The following BCAS3 variants were observed in gnomAD, a reference collection of about 807,000 sequenced individuals.
BCAS3 encodes the protein BCAS4/BCAS3 fusion.
In BCAS3, 53 loss-of-function variants were observed where a neutral mutation model predicts 116.1. That is an observed-to-expected ratio of 0.46 (90% CI 0.37 to 0.57). The LOEUF is 0.57. BCAS3 is among the 20% of genes least tolerant of loss of function. BCAS3 has a pLI of 0.00. For synonymous variants in BCAS3, 391 were observed against 408.2 expected (o/e 0.96, Z 0.51); for missense variants, 917 against 1,165.4 (o/e 0.79, Z 3.10).
intron 22 of BCAS3, among the ~76,000 whole-genome samples, chr17:61,210,871 C>T (rs1239134642): frequency 1.3e-5 from 2 of 151,908 alleles, no homozygotes; most frequent in South Asian, 2.1e-4. Flanking sequence ...TTTGCAGATA[C>T]CTAGGGGTTA....
In BCAS3 at chr17:61,226,892, T is replaced by C. The variant is rs1381148505; in HGVS notation, c.2426-141435T>C. Among the ~76,000 whole-genome samples, 1 of 152,198 alleles carries C rather than the reference T, an allele frequency of 6.6e-6. No individual in the cohort carries two copies. Among genetic ancestry groups the C allele is most frequent in the Non-Finnish European group, 1.5e-5 (1 of 68,032 alleles). ...ACTGCTGTCAGTTTGCCTGCCTATA[T>C]CCTATAATATCCCTTTCCTTTTTAA... is the stretch of plus-strand genomic sequence containing the variant. On this transcript the variant is annotated intron_variant, in intron 22 of 23. Coordinates refer to ENST00000407086, the MANE Select transcript of BCAS3 (RefSeq NM_017679.5). This position sits in a 1 kb window ranked among gnomAD's most constrained non-coding sequence, Gnocchi z 6.0.
intron 22 of BCAS3, among the ~76,000 whole-genome samples, chr17:61,138,089 A>G (rs1378651837): frequency 1.3e-5 from 2 of 152,234 alleles, no homozygotes; most frequent in Non-Finnish European, 2.9e-5. Context: ...ATAGCACTGT[A>G]TGGTAAAACT....
chr17:61,006,158 T>C (rs772323830), intron 15 of BCAS3, among the ~76,000 whole-genome samples: 5 of 152,110 alleles, frequency 3.3e-5, no homozygotes, highest in Non-Finnish European at 7.4e-5. Context: ...TAGTATTCCA[T>C]GGTGTATATG....
chr17:60,940,298 G>A (rs1310979110), intron 13 of BCAS3, among the ~76,000 whole-genome samples: 2 of 152,170 alleles, frequency 1.3e-5, no homozygotes, highest in Non-Finnish European at 2.9e-5. Context: ...CTTTAACAGA[G>A]TGTTATGTAG....
In BCAS3 at chr17:61,040,861, A is replaced by G. The variant is rs1460627340; in HGVS notation, c.1998A>G (p.Ala666=). Residue 666 remains alanine, a synonymous_variant, in exon 19 of 24, where the codon GCA becomes GCG. Transcript: ENST00000407086. ...ANHPLLLAAD[A]VQYYQFLLAG... ...ACCCTCTGCTCCTCGCTGCAGATGC[A>G]GTACAGTATTATCAGTTCCTGCTTG... The G allele has an allele frequency of 6.2e-7, 1 of 1,614,102 alleles. No homozygotes were observed. Among genetic ancestry groups the G allele is most frequent in the Non-Finnish European group, 8.5e-7 (1 of 1,179,978 alleles).
chr17:60,939,026 A>G (rs1036695629), intron 13 of BCAS3, among the ~76,000 whole-genome samples: 1 of 152,236 alleles, frequency 6.6e-6, no homozygotes, highest in Admixed American at 6.5e-5. Flanking sequence ...TAAATATTTA[A>G]TATATGACCC....
chr17:60,862,997 A>C (rs1250022855), intron 7 of BCAS3, among the ~76,000 whole-genome samples: 1 of 152,114 alleles, frequency 6.6e-6, no homozygotes, highest in African/African-American at 2.4e-5. Flanking sequence ...GATTTTTCTC[A>C]AGAAATAGGT....
At chr17:61,297,112 T>C (rs2052990615) in intron 22 of BCAS3, among the ~76,000 whole-genome samples, 1 of 151,810 alleles carries the variant, frequency 6.6e-6, no homozygotes, top group African/African-American at 2.4e-5. Flanking sequence ...TTCCGTAAGG[T>C]AGGGATAGGA....
intron 6 of BCAS3, among the ~76,000 whole-genome samples, chr17:60,759,042 C>T (rs969873765): frequency 6.7e-6 from 1 of 150,258 alleles, no homozygotes; most frequent in African/African-American, 2.5e-5. Flanking sequence ...GGCACGATCT[C>T]GACTCACTGC....
At chr17:60,758,843 A>G (rs1483121918) in intron 6 of BCAS3, among the ~76,000 whole-genome samples, 2 of 152,162 alleles carry the variant, frequency 1.3e-5, no homozygotes, top group Non-Finnish European at 2.9e-5. Context: ...TTCAAGAAAT[A>G]TTTTGATTTC....
At chr17:60,868,126 C>A (rs904846348) in intron 7 of BCAS3, among the ~76,000 whole-genome samples, 2 of 151,184 alleles carry the variant, frequency 1.3e-5, no homozygotes, top group Non-Finnish European at 2.9e-5. Flanking sequence ...TAGGTTCAAG[C>A]GATTCTCCTG....
intron 10 of BCAS3, among the ~76,000 whole-genome samples, chr17:60,901,045 C>A (rs142989341): frequency 2.1e-3 from 325 of 151,850 alleles, no homozygotes; most frequent in African/African-American, 7.1e-3. Flanking sequence ...CTCGTCTCTA[C>A]TAAAAATAAA....
chr17:61,283,065 A>G lies in BCAS3; in HGVS notation c.2426-85262A>G, dbSNP rs180759302. ...TACTATGATGTCGTGATGTTGTAAT[A>G]CTAAAAGTTGTGTTGTTTTTTTTGC... On this transcript the variant is annotated intron_variant, in intron 22 of 23. Transcript: ENST00000407086. 4.5e-3 allele frequency among the ~76,000 whole-genome samples: 689 copies of G among 152,216 alleles called. 4 individuals are homozygous for G. Among genetic ancestry groups the G allele is most frequent in the Non-Finnish European group, 7.7e-3 (524 of 68,022 alleles).
rs866130261 is a variant in BCAS3, at chr17:61,327,614, A to G, written c.2426-40713A>G. Among the ~76,000 whole-genome samples the G allele has an allele frequency of 9.9e-5, 15 of 152,156 alleles. No homozygotes were observed. The highest frequency in any genetic ancestry group is 1.6e-4 in the Non-Finnish European group (11 of 67,996). ...AACCTCCGCCTCCCGGGTTCAAGAC[A>G]TTCTCCTGCCTCAGCCTCCCGAGTA... On this transcript the variant is annotated intron_variant, in intron 22 of 23. Transcript: ENST00000407086. This position sits in a 1 kb window ranked among gnomAD's most constrained non-coding sequence, Gnocchi z 5.9.
At chr17:60,748,486 A>T (rs1443386737) in intron 6 of BCAS3, among the ~76,000 whole-genome samples, 2 of 152,086 alleles carry the variant, frequency 1.3e-5, no homozygotes, top group Non-Finnish European at 2.9e-5. Flanking sequence ...ACTTTGGTGA[A>T]ATATTTTGAT....
rs188022138 is a variant in BCAS3 at position 61,028,164 on chromosome 17, T to G, written c.1638-6502T>G. ...AGCTTAAATAGTTCTTTAAGGTTAATTATTATTTGACACAAACTTATTTCA... is the reference window on the plus strand; with the variant it reads ...AGCTTAAATAGTTCTTTAAGGTTAAGTATTATTTGACACAAACTTATTTCA... On this transcript the variant is annotated intron_variant, in intron 16 of 23. Coordinates refer to ENST00000407086, the MANE Select transcript of BCAS3 (RefSeq NM_017679.5). The surrounding 1 kb of genome is among the most constrained non-coding windows in gnomAD (Gnocchi z 4.3). Among the ~76,000 whole-genome samples, 179 of 151,992 alleles carry G rather than the reference T, an allele frequency of 1.2e-3. 1 individual carries two copies. The highest frequency in any genetic ancestry group is 3.6e-3 in the African/African-American group (150 of 41,556).
At chr17:61,382,709 C>G (rs1416492902) in intron 23 of BCAS3, 1 of 151,754 alleles carries the variant, frequency 6.6e-6, no homozygotes, top group Non-Finnish European at 1.5e-5. Flanking sequence ...AAAGCCTGTA[C>G]CACAATGATT....
intron 22 of BCAS3, among the ~76,000 whole-genome samples, chr17:61,183,147 T>G (rs1201237338): frequency 3.3e-5 from 5 of 152,234 alleles, no homozygotes; most frequent in Non-Finnish European, 5.9e-5. Context: ...CAAATTTTTT[T>G]GTTTTTCCTG....
In BCAS3 at chr17:61,356,480, C is replaced by T. The variant is rs935914460; in HGVS notation, c.2426-11847C>T. ...TCCCTGAAGCACCTCCATGTTTGTT[C>T]TGAATGTGGAGCCAGTCGAGATTCT... On this transcript the variant is annotated intron_variant, in intron 22 of 23. Transcript: ENST00000407086. The surrounding 1 kb of genome is among the most constrained non-coding windows in gnomAD (Gnocchi z 5.4). Among the ~76,000 whole-genome samples the T allele has an allele frequency of 6.6e-6, 1 of 152,234 alleles. No homozygotes were observed. Among genetic ancestry groups the T allele is most frequent in the Admixed American group, 6.5e-5 (1 of 15,288 alleles).
Sources: allele counts gnomAD v4.1 joint callset (sites outside exome capture counted in the v4.1 genomes callset), GRCh38; gene constraint gnomAD v4.1.1; non-coding constraint Gnocchi (gnomAD v3.1); transcripts MANE v1.5; gene names NCBI Gene and HGNC (gene_info 2026-07-23, HGNC 2026-07-21).